Variants in CCDC73 observed in about 807,000 individuals in gnomAD.
CCDC73 encodes coiled-coil domain containing 73.
In CCDC73, 95 loss-of-function variants were observed where a neutral mutation model predicts 116.5. That is an observed-to-expected ratio of 0.82 (90% CI 0.69 to 0.97). The LOEUF (loss-of-function observed/expected upper bound fraction) is 0.97. CCDC73 is among the 50% of genes least tolerant of loss of function. CCDC73 has a pLI of 0.00. For synonymous variants in CCDC73, 398 were observed against 401.3 expected (o/e 0.99, Z 0.10); for missense variants, 1,066 against 1,206.8 (o/e 0.88, Z 1.73).
At chr11:32,691,047 CTT>C (rs145108336) in intron 6 of CCDC73, among the ~76,000 whole-genome samples, 7 of 142,040 alleles carry the variant, frequency 4.9e-5, no homozygotes, top group African/African-American at 5.1e-5. Context: ...CTGGCAACCA[CTT>C]TTTTTTTTTT....
intron 2 of CCDC73, among the ~76,000 whole-genome samples, chr11:32,742,811 C>A (rs1336601103): frequency 6.6e-6 from 1 of 152,130 alleles, no homozygotes; most frequent in Non-Finnish European, 1.5e-5. Context: ...AGTCTTTGAT[C>A]CATCTTGAGT....
chr11:32,813,014 T>C, the CCDC73 span, among the ~76,000 whole-genome samples: 1 of 152,340 alleles, frequency 6.6e-6, no homozygotes, highest in African/African-American at 2.4e-5. Context: ...TATATATTTA[T>C]TGGCCATTCT....
intron 14 of CCDC73, among the ~76,000 whole-genome samples, chr11:32,627,347 T>C (rs1012613346): frequency 3.3e-5 from 5 of 152,108 alleles, no homozygotes; most frequent in Non-Finnish European, 4.4e-5. Flanking sequence ...TGTGGAGAAA[T>C]AGGAACACTT....
intron 9 of CCDC73, among the ~76,000 whole-genome samples, chr11:32,661,394 G>A (rs111414039): frequency 0.1 from 15,326 of 151,738 alleles, 1,049 homozygotes; most frequent in Non-Finnish European, 0.15. Context: ...GTGGTTTCCC[G>A]CACCCATTAA....
the CCDC73 span, among the ~76,000 whole-genome samples, chr11:32,803,427 A>G: frequency 6.6e-6 from 1 of 152,184 alleles, no homozygotes; most frequent in African/African-American, 2.4e-5. Context: ...GTTTGTCTTC[A>G]CTAATAGACT....
chr11:32,613,641 T>A lies in CCDC73; in HGVS notation c.2677A>T (p.Lys893Ter), dbSNP rs1855443237. 2 of 1,614,074 alleles carry A rather than the reference T, an allele frequency of 1.2e-6. No homozygotes were observed. The highest frequency in any genetic ancestry group is 1.1e-5 in the South Asian group (1 of 91,074). ...TATACTGGAGTTTTCTCAGTTTTTTTATCTGAAGTTGAAAGATCAAAGGTT... is the reference window on the plus strand; with the variant it reads ...TATACTGGAGTTTTCTCAGTTTTTTAATCTGAAGTTGAAAGATCAAAGGTT... ...RSTFDLSTSD[K>*]KTEKTPVYMN... The change falls in exon 16 of 18, where the codon AAA (lysine) becomes TAA (stop). Residue 893 changes from lysine to a stop codon, truncating the protein, a stop_gained. Coordinates refer to ENST00000335185, the MANE Select transcript of CCDC73 (RefSeq NM_001008391.4). LOFTEE classifies it high-confidence loss of function.
intron 6 of CCDC73, 55 bp from the exon 7 acceptor site, chr11:32,683,629 T>G: frequency 9.6e-7 from 1 of 1,043,826 alleles, no homozygotes; most frequent in African/African-American, 1.6e-5. Context: ...TCTACACAAA[T>G]TCCTCTGATA....
chr11:32,656,215 C>A (rs1221504029), intron 9 of CCDC73, among the ~76,000 whole-genome samples: 1 of 151,886 alleles, frequency 6.6e-6, no homozygotes, highest in Non-Finnish European at 1.5e-5. Flanking sequence ...GCAGCTGGGA[C>A]TACAGGCGCC....
chr11:32,628,428 G>C (rs866206843), intron 14 of CCDC73, among the ~76,000 whole-genome samples: 2 of 152,306 alleles, frequency 1.3e-5, no homozygotes, highest in Middle Eastern at 3.4e-3. Flanking sequence ...TCTGTTGCTG[G>C]ATATTAAGTT....
At chr11:32,675,186 C>T (rs763079933) in intron 9 of CCDC73, among the ~76,000 whole-genome samples, 2 of 152,110 alleles carry the variant, frequency 1.3e-5, no homozygotes, top group Admixed American at 6.6e-5. Context: ...CTCTAACTTT[C>T]GTAAAAGTAG....
intron 13 of CCDC73, 100 bp from the exon 14 acceptor site, chr11:32,635,930 A>G (rs918570399): frequency 5.1e-5 from 39 of 763,218 alleles, no homozygotes; most frequent in Non-Finnish European, 6.6e-5. Flanking sequence ...AAATAGTCAA[A>G]GAATCAAAAC....
intron 1 of CCDC73, among the ~76,000 whole-genome samples, chr11:32,780,950 A>T (rs1850577960): frequency 6.6e-6 from 1 of 152,196 alleles, no homozygotes; most frequent in Non-Finnish European, 1.5e-5. Flanking sequence ...CCTGGGCAAC[A>T]TGGCAAGACC....
intron 17 of CCDC73, 32 bp downstream of exon 17, chr11:32,611,100 G>A (rs1271791537): frequency 6.2e-7 from 1 of 1,610,048 alleles, no homozygotes; most frequent in African/African-American, 1.3e-5. Context: ...AGCTCACTAA[G>A]GTCTGCTCGG....
intron 12 of CCDC73, among the ~76,000 whole-genome samples, chr11:32,649,360 C>T (rs1482220360): frequency 6.6e-6 from 1 of 152,130 alleles, no homozygotes; most frequent in East Asian, 1.9e-4. Context: ...ACTACAGGAA[C>T]ATAACTATGC....
Position 32,675,917 on chromosome 11 carries a change from T to C in CCDC73, c.534A>G (p.Val178=). 1 of 1,607,234 alleles carries C rather than the reference T, an allele frequency of 6.2e-7. No individual in the cohort carries two copies. The highest frequency in any genetic ancestry group is 8.5e-7 in the Non-Finnish European group (1 of 1,177,454). ...GTTCTAACTTTTCATGATTCTCTTT[T>C]ACCAATCCAAATTGACCTGTTATTG... is the stretch of plus-strand genomic sequence containing the variant. ...YATITGQFGL[V]KENHEKLEQN... is the part of the protein sequence containing the mutation. The change falls in exon 8 of 18, where the codon GTA becomes GTG. Residue 178 remains valine, a synonymous_variant. Transcript: ENST00000335185.
chr11:32,776,790 A>G (rs1031876752), intron 1 of CCDC73, among the ~76,000 whole-genome samples: 6 of 151,044 alleles, frequency 4.0e-5, no homozygotes, highest in African/African-American at 1.5e-4. Flanking sequence ...CACTCCCCCA[A>G]CTCCACAGCA....
upstream of CCDC73, among the ~76,000 whole-genome samples, chr11:32,798,258 C>G (rs911254947): frequency 2.6e-5 from 4 of 152,268 alleles, no homozygotes; most frequent in Non-Finnish European, 5.9e-5. Flanking sequence ...GTGCATAGCA[C>G]TGTGCTTGGC....
At chr11:32,830,473 C>CT in the CCDC73 span, 13,488 of 1,172,838 alleles carry the variant, frequency 0.012, 16 homozygotes, top group Middle Eastern at 0.017. Flanking sequence ...AGCTAGGGGC[C>CT]TTTTTTTTTT....
At chr11:32,678,496 C>T (rs977636699) in intron 7 of CCDC73, among the ~76,000 whole-genome samples, 14 of 151,996 alleles carry the variant, frequency 9.2e-5, no homozygotes, top group African/African-American at 3.4e-4. Context: ...AAAGCAAAGC[C>T]CATCATATAA....
Sources: gnomAD v4.1 joint callset for allele counts (sites outside exome capture counted in the v4.1 genomes callset) on GRCh38, gnomAD v4.1.1 for gene constraint, MANE v1.5 for transcripts, NCBI Gene and HGNC (gene_info 2026-07-23, HGNC 2026-07-21) for gene names.